Variants in SNX9 observed in about 807,000 individuals in gnomAD.
SNX9 encodes sorting nexin 9.
In SNX9, 44 loss-of-function variants were observed where a neutral mutation model predicts 89.4. The observed-to-expected ratio is 0.49, with a 90% CI of 0.39 to 0.63. The LOEUF (loss-of-function observed/expected upper bound fraction) is 0.63. Among genes scored for constraint, SNX9 ranks in the 30% least tolerant of loss-of-function variants. The probability of loss-of-function intolerance (pLI) is 0.00; values close to 1 mark genes in which losing one functional copy is unlikely to be tolerated. For missense variants in SNX9, 578 were observed against 736.1 expected (o/e 0.79, Z 2.49); for synonymous variants, 236 against 247.8 (o/e 0.95, Z 0.45).
intron 1 of SNX9, among the ~76,000 whole-genome samples, chr6:157,839,136 T>G (rs1339306326): frequency 2.0e-5 from 3 of 152,238 alleles, no homozygotes; most frequent in Non-Finnish European, 4.4e-5. Context: ...AACGCTGGAC[T>G]TCATAGTACC....
chr6:157,867,752 AT>A (rs1335795036), intron 2 of SNX9, 119 bp downstream of exon 2: 6 of 842,216 alleles, frequency 7.1e-6, no homozygotes, highest in Non-Finnish European at 6.8e-6. Flanking sequence ...TTAAGATTTT[AT>A]TTTTTTGTAA....
chr6:157,876,209 T>C (rs1047842696), intron 4 of SNX9, among the ~76,000 whole-genome samples: 1 of 152,192 alleles, frequency 6.6e-6, no homozygotes, highest in Non-Finnish European at 1.5e-5. Flanking sequence ...ACCAGCACTT[T>C]GGGAGGCCGA....
chr6:157,906,764 C>T (rs1047159320), intron 7 of SNX9, among the ~76,000 whole-genome samples: 4 of 152,144 alleles, frequency 2.6e-5, no homozygotes, highest in African/African-American at 4.8e-5. Flanking sequence ...ACAAGCCCTT[C>T]GGTTTCATTC....
chr6:157,924,050 T>A (rs4709729), intron 10 of SNX9, among the ~76,000 whole-genome samples: 5 of 151,786 alleles, frequency 3.3e-5, no homozygotes, highest in Non-Finnish European at 5.9e-5. Flanking sequence ...ATACAAAAAT[T>A]CGCCAGGTGT....
chr6:157,938,773 T>G, intron 16 of SNX9, 26 bp downstream of exon 16: 1 of 1,558,960 alleles, frequency 6.4e-7, no homozygotes, highest in Non-Finnish European at 8.7e-7. Flanking sequence ...CCTTATGAGG[T>G]GCTGGTGGAA....
intron 7 of SNX9, among the ~76,000 whole-genome samples, chr6:157,909,334 T>G (rs1288468021): frequency 1.3e-5 from 2 of 152,238 alleles, no homozygotes; most frequent in Non-Finnish European, 1.5e-5. Context: ...TAAAAACTAG[T>G]CCTTCATCAC....
At chr6:157,899,916 T>C (rs553939039) in intron 5 of SNX9, among the ~76,000 whole-genome samples, 1 of 145,590 alleles carries the variant, frequency 6.9e-6, no homozygotes, top group Non-Finnish European at 1.5e-5. Context: ...CGCGTGTATA[T>C]GTGCAAGTGC....
intron 9 of SNX9, among the ~76,000 whole-genome samples, chr6:157,915,623 TAAAAAA>T (rs1172699831): frequency 1.4e-5 from 1 of 71,300 alleles, no homozygotes; most frequent in African/African-American, 7.5e-5. Flanking sequence ...CCATCTCTAC[TAAAAAA>T]AAAAAAAAAA....
chr6:157,877,329 G>A (rs1420026104), intron 4 of SNX9, among the ~76,000 whole-genome samples: 1 of 152,002 alleles, frequency 6.6e-6, no homozygotes, highest in Admixed American at 6.6e-5. Context: ...TCCTTTGAAA[G>A]CAAAGAAAAA....
At chr6:157,881,473 C>T (rs1782622099) in intron 4 of SNX9, among the ~76,000 whole-genome samples, 1 of 152,150 alleles carries the variant, frequency 6.6e-6, no homozygotes. Flanking sequence ...GCATTTCTCT[C>T]ACTTTAAATC....
In SNX9 at chr6:157,875,058, C is replaced by T; in HGVS notation, c.182C>T (p.Pro61Leu). ...LVPTDYVEIL[P>L]SDGKDQFSCG... is the part of the protein sequence containing the mutation. ...GCTCTTTCTCCTATTCAGATTTTAC[C>T]CAGTGATGGAAAAGATCAATTTTCT... Residue 61 changes from proline to leucine, a missense_variant, in exon 4 of 18, where the codon CCC becomes CTC. Pro to Leu is a moderately conservative substitution (Grantham distance 98, BLOSUM62 -3). Around this residue, in one of 2 missense-constraint regions of SNX9, gnomAD observed 230 missense variants for 244.7 expected, o/e 0.94. Transcript: ENST00000392185. 6.2e-7 allele frequency: 1 copy of T among 1,613,552 alleles called. No individual in the cohort carries two copies. The highest frequency in any genetic ancestry group is 1.3e-5 in the African/African-American group (1 of 74,970).
At chr6:157,879,294 C>T (rs777077487) in intron 4 of SNX9, among the ~76,000 whole-genome samples, 1 of 152,186 alleles carries the variant, frequency 6.6e-6, no homozygotes, top group Non-Finnish European at 1.5e-5. Context: ...TAGGCAGCCA[C>T]GCAGTGGAAA....
rs1047086447 is a variant in SNX9 at position 157,943,638 on chromosome 6, A to G, written c.*800A>G. 9 of 152,378 alleles carry G rather than the reference A, an allele frequency of 5.9e-5. No homozygotes were observed. Among genetic ancestry groups the G allele is most frequent in the African/African-American group, 1.7e-4 (7 of 41,466 alleles). The allele number at this position is 152,378 out of a possible 1,614,324, so 9.4% of individuals were successfully genotyped here. ...TGTTTTATGCCATGAAGAATACATT[A>G]GAAGAATTGAGGGACTTTGTAGAGA... On this transcript the variant is annotated 3_prime_UTR_variant, in exon 18 of 18. Coordinates refer to ENST00000392185, the MANE Select transcript of SNX9 (RefSeq NM_016224.5).
At chr6:157,883,305 G>T (rs1475158363) in intron 4 of SNX9, among the ~76,000 whole-genome samples, 1 of 152,174 alleles carries the variant, frequency 6.6e-6, no homozygotes, top group Admixed American at 6.5e-5. Flanking sequence ...GACCAAAAAA[G>T]TCCACATGAC....
rs1309005488 is a variant in SNX9, at chr6:157,928,702, C to T, written c.1288C>T (p.Pro430Ser). The change falls in exon 12 of 18, where the codon CCA (proline) becomes TCA (serine). Residue 430 changes from proline to serine, a missense_variant and splice_region_variant. By Grantham distance (74) the Pro-to-Ser change is moderately conservative. Around this residue, in one of 2 missense-constraint regions of SNX9, gnomAD observed 348 missense variants for 491.4 expected, o/e 0.71. Transcript: ENST00000392185. Reference protein sequence around the residue: ...GQEHWKRCTGPLPKEYQKIGK... With the variant: ...GQEHWKRCTGSLPKEYQKIGK... ...GGAGCACTGGAAGCGCTGCACGGGC[C>T]GTAAGTCCACTCCTCACAGTGCACT... is the stretch of plus-strand genomic sequence containing the variant. The T allele has an allele frequency of 1.2e-5, 19 of 1,590,332 alleles. No individual in the cohort carries two copies. Among genetic ancestry groups the T allele is most frequent in the East Asian group, 4.6e-5 (2 of 43,420 alleles).
intron 6 of SNX9, among the ~76,000 whole-genome samples, 200 bp downstream of exon 6, chr6:157,902,245 T>G (rs1783120779): frequency 6.6e-6 from 1 of 152,088 alleles, no homozygotes; most frequent in Non-Finnish European, 1.5e-5. Flanking sequence ...TTTACAAGGT[T>G]AATAAGTGAA....
chr6:157,840,653 A>G (rs988722457), intron 1 of SNX9, among the ~76,000 whole-genome samples: 3 of 152,198 alleles, frequency 2.0e-5, no homozygotes, highest in Non-Finnish European at 4.4e-5. Flanking sequence ...AAGCCACACT[A>G]GGAAAATCCT....
intron 9 of SNX9, among the ~76,000 whole-genome samples, chr6:157,919,177 G>C (rs34414553): frequency 0.22 from 32,915 of 151,880 alleles, 3,628 homozygotes; most frequent in Non-Finnish European, 0.23. Flanking sequence ...TATTTATCTG[G>C]GTATGTCTTT....
chr6:157,940,826 GT>G, intron 16 of SNX9, 56 bp from the exon 17 acceptor site: 1 of 1,455,692 alleles, frequency 6.9e-7, no homozygotes, highest in Non-Finnish European at 9.6e-7. Context: ...GAGAAACCAG[GT>G]GTTGTCATTT....
Sources: allele counts gnomAD v4.1 joint callset (sites outside exome capture counted in the v4.1 genomes callset), GRCh38; gene constraint gnomAD v4.1.1; regional missense constraint gnomAD v4.1.1; transcripts MANE v1.5; gene names NCBI Gene and HGNC (gene_info 2026-07-23, HGNC 2026-07-21).